The following ZFHX3 variants were observed in gnomAD, a reference collection of about 807,000 sequenced individuals.
ZFHX3 encodes zinc finger homeobox 3, also known as zinc finger homeobox protein 3.
ZFHX3 carries 42 observed loss-of-function variants against 279.1 expected under a neutral mutation model. That is an observed-to-expected ratio of 0.15 (90% CI 0.12 to 0.19). ZFHX3 has a LOEUF of 0.19. Among genes scored for constraint, ZFHX3 ranks in the 10% least tolerant of loss-of-function variants. ZFHX3 has a pLI of 1.00. For synonymous variants in ZFHX3, 2,293 were observed against 1,957.8 expected (o/e 1.17, Z -4.52); for missense variants, 4,981 against 4,754.0 (o/e 1.05, Z -1.40).
chr16:72,961,213 C>G (rs1310394823), intron 1 of ZFHX3, among the ~76,000 whole-genome samples: 1 of 149,452 alleles, frequency 6.7e-6, no homozygotes, highest in Non-Finnish European at 1.5e-5. Context: ...GAGACGGCAG[C>G]TGGGCTCGGC....
intron 3 of ZFHX3, among the ~76,000 whole-genome samples, chr16:73,363,943 A>C (rs1597302314): frequency 1.3e-5 from 2 of 152,068 alleles, no homozygotes; most frequent in African/African-American, 4.8e-5. Context: ...GAGGCCAAGG[A>C]GGGTGGATCA....
intron 4 of ZFHX3, among the ~76,000 whole-genome samples, chr16:72,853,952 G>GAA (rs957179783): frequency 1.8e-4 from 24 of 136,286 alleles, no homozygotes; most frequent in Admixed American, 4.4e-4. Flanking sequence ...CCTTGAGAAG[G>GAA]AAAAAAAAAA....
intron 1 of ZFHX3, among the ~76,000 whole-genome samples, chr16:73,874,157 G>A (rs2029885360): frequency 6.6e-6 from 1 of 152,080 alleles, no homozygotes; most frequent in African/African-American, 2.4e-5. Context: ...ATTTTTAAGT[G>A]TAGGTGTACC....
intron 1 of ZFHX3, among the ~76,000 whole-genome samples, chr16:73,873,205 GGTGGT>G (rs2029872454): frequency 1.0e-5 from 1 of 98,742 alleles, no homozygotes; most frequent in Non-Finnish European, 2.1e-5. Flanking sequence ...GGTGGTGGTG[GGTGGT>G]AGTGGGTGGT....
intron 5 of ZFHX3, among the ~76,000 whole-genome samples, chr16:73,243,542 T>C (rs2013188024): frequency 6.6e-6 from 1 of 152,218 alleles, no homozygotes; most frequent in Admixed American, 6.5e-5. Flanking sequence ...AGCTGACATA[T>C]CCAACCCACT....
intron 4 of ZFHX3, among the ~76,000 whole-genome samples, chr16:72,885,582 C>T (rs1478270425): frequency 6.6e-6 from 1 of 152,154 alleles, no homozygotes; most frequent in African/African-American, 2.4e-5. Flanking sequence ...ATTGCAGAAT[C>T]ATCCACAGGG....
intron 1 of ZFHX3, among the ~76,000 whole-genome samples, chr16:73,792,929 C>T (rs767990511): frequency 2.7e-5 from 4 of 145,546 alleles, no homozygotes; most frequent in Non-Finnish European, 6.0e-5. Context: ...TTGGGGTTGA[C>T]GTTTGTTACA....
intron 5 of ZFHX3, among the ~76,000 whole-genome samples, chr16:72,829,078 C>T (rs775769110): frequency 2.0e-5 from 3 of 151,862 alleles, no homozygotes; most frequent in Non-Finnish European, 4.4e-5. Context: ...GGGCTCACTG[C>T]AGCCTCAACC....
At chr16:73,757,419 A>C (rs1378972947) in intron 1 of ZFHX3, among the ~76,000 whole-genome samples, 1 of 152,258 alleles carries the variant, frequency 6.6e-6, no homozygotes, top group Non-Finnish European at 1.5e-5. Flanking sequence ...TGTGGATGTC[A>C]GTACTGCAGC....
chr16:72,981,120 G>C (rs1304350878), intron 1 of ZFHX3, among the ~76,000 whole-genome samples: 1 of 152,140 alleles, frequency 6.6e-6, no homozygotes, highest in Non-Finnish European at 1.5e-5. Context: ...TTTCCTCCCA[G>C]GCCGGGCCCC....
At chr16:73,606,486 C>CAA (rs57861119) in intron 2 of ZFHX3, among the ~76,000 whole-genome samples, 1 of 133,788 alleles carries the variant, frequency 7.5e-6, no homozygotes, top group Non-Finnish European at 1.6e-5. Flanking sequence ...GACTTTGTCT[C>CAA]AAAAAAAAAA....
chr16:72,796,631 C>T lies in ZFHX3; in HGVS notation c.6051G>A (p.Arg2017=), dbSNP rs62639994. The T allele has an allele frequency of 6.7e-4, 1,082 of 1,614,014 alleles. 7 individuals carry two copies. In the African/African-American group the frequency reaches 0.013, roughly 19 times the overall value. ...AGTGGTCTCTGTACTGTTTGGCAAA[C>T]CTCTCGAGCTGTTTGAAAGGAAAGT... ...QNYFPFKQLE[R]FAKQYRDHYD... The change falls in exon 9 of 10, where the codon AGG becomes AGA. Residue 2017 remains arginine, a synonymous_variant. Coordinates refer to ENST00000268489, the MANE Select transcript of ZFHX3 (RefSeq NM_006885.4).
At chr16:73,054,965 A>G (rs186995124) in intron 1 of ZFHX3, among the ~76,000 whole-genome samples, 3 of 152,152 alleles carry the variant, frequency 2.0e-5, no homozygotes, top group Non-Finnish European at 2.9e-5. Flanking sequence ...TAAACCCAAA[A>G]GATTTTAATA....
intron 2 of ZFHX3, among the ~76,000 whole-genome samples, chr16:73,472,782 T>C (rs897522382): frequency 1.3e-5 from 2 of 152,146 alleles, no homozygotes; most frequent in Non-Finnish European, 2.9e-5. Context: ...GCTGTGTCCC[T>C]TTCCCTGTGG....
rs756049492 is a variant in ZFHX3 at position 73,251,934 on chromosome 16, CACAT to C, written c.-1104+5109_-1104+5112del. Among the ~76,000 whole-genome samples, 568 of 149,558 alleles carry C rather than the reference CACAT, an allele frequency of 3.8e-3. 3 individuals are homozygous for C. Among genetic ancestry groups the C allele is most frequent in the Non-Finnish European group, 6.2e-3 (421 of 67,422 alleles). On this transcript the variant is annotated intron_variant, in intron 5 of 17. Transcript: ENST00000641206. ...ACACCACACACACACCATGAACACA[CACAT>C]ACACACCACACACACGCACACACCA... is the stretch of plus-strand genomic sequence containing the variant.
intron 3 of ZFHX3, among the ~76,000 whole-genome samples, chr16:73,399,829 TGGTGTGTG>T (rs2017210868): frequency 3.1e-5 from 3 of 96,074 alleles, no homozygotes; most frequent in Admixed American, 2.1e-4. Context: ...GTGTGGAGTG[TGGTGTGTG>T]GTGTGTGTGT....
chr16:72,960,870 T>A (rs1414798222), intron 1 of ZFHX3, among the ~76,000 whole-genome samples: 2 of 151,782 alleles, frequency 1.3e-5, no homozygotes, highest in Admixed American at 1.3e-4. Flanking sequence ...CTGGGAGGCG[T>A]CAGTCCCATT....
At chr16:73,842,234 CAGAA>C (rs1961329348) in intron 1 of ZFHX3, among the ~76,000 whole-genome samples, 2 of 151,620 alleles carry the variant, frequency 1.3e-5, no homozygotes, top group Non-Finnish European at 2.9e-5. Context: ...AAAAGAAAGA[CAGAA>C]AGAAAAAGAG....
At chr16:73,179,347 G>T (rs1462893900) in intron 5 of ZFHX3, among the ~76,000 whole-genome samples, 1 of 152,142 alleles carries the variant, frequency 6.6e-6, no homozygotes. Flanking sequence ...AGAACCTTGG[G>T]CCTTTCAAGA....
Sources: gnomAD v4.1 joint callset for allele counts (sites outside exome capture counted in the v4.1 genomes callset) on GRCh38, gnomAD v4.1.1 for gene constraint, MANE v1.5 for transcripts, NCBI Gene and HGNC (gene_info 2026-07-23, HGNC 2026-07-21) for gene names.